RPH3AL: variants seen among roughly 807,000 people sequenced by gnomAD.
RPH3AL encodes the protein rab effector Noc2.
Under a neutral mutation model 43.1 loss-of-function variants are expected in RPH3AL, and 38 were observed. The observed-to-expected ratio is 0.88, with a 90% CI of 0.68 to 1.15. The LOEUF (loss-of-function observed/expected upper bound fraction) is 1.15, where lower values mean the gene tolerates loss of function less well. Ranked by LOEUF, RPH3AL falls within the 50% of genes most tolerant of loss-of-function variation. The pLI is 0.00. For missense variants in RPH3AL, 462 were observed against 423.2 expected (o/e 1.09, Z -0.81); for synonymous variants, 189 against 176.3 (o/e 1.07, Z -0.57).
intron 6 of RPH3AL, among the ~76,000 whole-genome samples, chr17:281,517 C>T (rs1169589639): frequency 2.6e-5 from 4 of 152,016 alleles, no homozygotes; most frequent in Non-Finnish European, 5.9e-5. Flanking sequence ...GACTCTCCCA[C>T]GTGTAGAACC....
chr17:241,445 A>G (rs2041531557), intron 7 of RPH3AL, among the ~76,000 whole-genome samples: 1 of 152,230 alleles, frequency 6.6e-6, no homozygotes, highest in Non-Finnish European at 1.5e-5. Flanking sequence ...ATGTCCATCG[A>G]TAGGTGATTA....
Position 245,440 on chromosome 17 carries a change from C to T in RPH3AL, c.613+1671G>A, listed in dbSNP as rs1206668704. Among the ~76,000 whole-genome samples, 8 of 135,470 alleles carry T rather than the reference C, an allele frequency of 5.9e-5. No individual in the cohort carries two copies. Among genetic ancestry groups the T allele is most frequent in the East Asian group, 2.2e-4 (1 of 4,482 alleles). 88.9% of individuals were successfully genotyped at this position (135,470 alleles called of 152,430 possible). On this transcript the variant is annotated intron_variant, in intron 7 of 9. Coordinates refer to ENST00000331302, the MANE Select transcript of RPH3AL (RefSeq NM_006987.4). This position sits in a 1 kb window ranked among gnomAD's most constrained non-coding sequence, Gnocchi z 5.9. Reference sequence around the variant, plus strand: ...ATGGTGATGTGTGTGTAGGTGTGAGCGTGTGTCAATGCGGTTGTGTTTGTG... The same window carrying T: ...ATGGTGATGTGTGTGTAGGTGTGAGTGTGTGTCAATGCGGTTGTGTTTGTG...
intron 7 of RPH3AL, among the ~76,000 whole-genome samples, chr17:221,847 AC>A (rs1567561556): frequency 2.6e-5 from 3 of 115,072 alleles, no homozygotes; most frequent in South Asian, 3.1e-4. Context: ...AGACCCAAGA[AC>A]AACAGCTCTG....
intron 5 of RPH3AL, among the ~76,000 whole-genome samples, chr17:303,036 A>G (rs1006142780): frequency 6.6e-6 from 1 of 152,248 alleles, no homozygotes; most frequent in African/African-American, 2.4e-5. Context: ...GTCAGACAAT[A>G]AACTTGGCAG....
chr17:305,263 T>C (rs2043455370), intron 5 of RPH3AL, among the ~76,000 whole-genome samples: 1 of 151,820 alleles, frequency 6.6e-6, no homozygotes, highest in African/African-American at 2.4e-5. Flanking sequence ...CCGGCCGAGT[T>C]GGGACTCAGG....
intron 1 of RPH3AL, among the ~76,000 whole-genome samples, chr17:352,024 C>T (rs768659832): frequency 3.9e-5 from 6 of 152,172 alleles, no homozygotes; most frequent in East Asian, 1.9e-4. Flanking sequence ...ACTGGCCACG[C>T]GGCCTTCCAA....
intron 6 of RPH3AL, among the ~76,000 whole-genome samples, chr17:270,605 T>C (rs2042439041): frequency 6.6e-6 from 1 of 152,066 alleles, no homozygotes; most frequent in Admixed American, 6.5e-5. Flanking sequence ...ATCCCAGCAC[T>C]TAGGGCAGCA....
rs1010728095 is a variant in RPH3AL, at chr17:274,320, G to A, written c.438+7448C>T. Among the ~76,000 whole-genome samples the A allele has an allele frequency of 6.6e-6, 1 of 152,140 alleles. No homozygotes were observed. Among genetic ancestry groups the A allele is most frequent in the Non-Finnish European group, 1.5e-5 (1 of 68,020 alleles). On this transcript the variant is annotated intron_variant, in intron 6 of 9. Coordinates refer to ENST00000331302, the MANE Select transcript of RPH3AL (RefSeq NM_006987.4). This position sits in a 1 kb window ranked among gnomAD's most constrained non-coding sequence, Gnocchi z 4.7. ...CGGGAGGCGTGCCATGGACCACCTG[G>A]GCCTCGCCTGCCCACCTGGGCCTCG... is the stretch of plus-strand genomic sequence containing the variant.
intron 1 of RPH3AL, among the ~76,000 whole-genome samples, chr17:344,051 A>G (rs1476163021): frequency 1.2e-5 from 1 of 82,704 alleles, no homozygotes; most frequent in Non-Finnish European, 3.2e-5. Context: ...CACCATCATC[A>G]TCGTCACCAC....
At chr17:314,600 A>C (rs2043818287) in intron 5 of RPH3AL, among the ~76,000 whole-genome samples, 1 of 147,334 alleles carries the variant, frequency 6.8e-6, no homozygotes, top group African/African-American at 2.5e-5. Context: ...CTCCACCTCC[A>C]CTGACCTGTA....
In RPH3AL at chr17:322,238, A is replaced by G. The variant is rs1335558388; in HGVS notation, c.78-823T>C. On this transcript the variant is annotated intron_variant, in intron 3 of 9. Coordinates refer to ENST00000331302, the MANE Select transcript of RPH3AL (RefSeq NM_006987.4). The surrounding 1 kb of genome is among the most constrained non-coding windows in gnomAD (Gnocchi z 4.0). ...GCAAATGGGGCGGGGGAAGGACTCA[A>G]ACTCCTTCTATTTTTCTGGACAGGG... 6.6e-6 allele frequency: 1 copy of G among 152,164 alleles called. No homozygotes were observed. The highest frequency in any genetic ancestry group is 1.5e-5 in the Non-Finnish European group (1 of 68,086). 9.4% of individuals were successfully genotyped at this position (152,164 alleles called of 1,614,324 possible).
chr17:268,964 T>G (rs12942148), intron 6 of RPH3AL, among the ~76,000 whole-genome samples: 2 of 152,000 alleles, frequency 1.3e-5, no homozygotes, highest in South Asian at 4.2e-4. Flanking sequence ...CCGCAAGCTC[T>G]GCCTCCCGGG....
Position 264,732 on chromosome 17 carries a change from A to G in RPH3AL, c.438+17036T>C, listed in dbSNP as rs2042281594. Among the ~76,000 whole-genome samples, 1 of 152,228 alleles carries G rather than the reference A, an allele frequency of 6.6e-6. No homozygotes were observed. The highest frequency in any genetic ancestry group is 6.5e-5 in the Admixed American group (1 of 15,288). On this transcript the variant is annotated intron_variant, in intron 6 of 9. Coordinates refer to ENST00000331302, the MANE Select transcript of RPH3AL (RefSeq NM_006987.4). The surrounding 1 kb of genome is among the most constrained non-coding windows in gnomAD (Gnocchi z 4.8). ...GACCCTTCCACCTGTGACCGGTATC[A>G]GCAAAAATGGAACACAGAATGCAGC...
intron 5 of RPH3AL, among the ~76,000 whole-genome samples, chr17:284,559 G>C (rs1396272427): frequency 2.6e-5 from 4 of 152,034 alleles, no homozygotes; most frequent in Non-Finnish European, 4.4e-5. Context: ...GCCCAGGCTG[G>C]ACAGTCTGGC....
rs201336705 is a variant in RPH3AL, at chr17:257,603, G to A, written c.439-10318C>T. 9.1e-3 allele frequency among the ~76,000 whole-genome samples: 157 copies of A among 17,184 alleles called. 3 individuals are homozygous for A. The highest frequency in any genetic ancestry group is 0.045 in the Middle Eastern group (1 of 22). 11.3% of individuals were successfully genotyped at this position (17,184 alleles called of 152,430 possible). A position where few individuals can be genotyped will look rare whatever the true frequency, so the allele number is the denominator to read the frequency against. On this transcript the variant is annotated intron_variant, in intron 6 of 9. Coordinates refer to ENST00000331302, the MANE Select transcript of RPH3AL (RefSeq NM_006987.4). ...CTTCCTATGAGGGGAGCTGCACGGC[G>A]TCTGTCCTTTTCCATCCCTAGGAAT...
intron 7 of RPH3AL, among the ~76,000 whole-genome samples, chr17:243,516 C>G (rs1555538183): frequency 1.4e-5 from 2 of 146,234 alleles, no homozygotes; most frequent in East Asian, 4.0e-4. Context: ...TTACCTTCCT[C>G]TATTGATTAC....
intron 7 of RPH3AL, among the ~76,000 whole-genome samples, chr17:228,990 G>A (rs1222882811): frequency 6.6e-6 from 1 of 152,144 alleles, no homozygotes. Context: ...TCTGTAAAAT[G>A]GAGACAAAAA....
At chr17:253,403 C>G (rs2041962034) in intron 6 of RPH3AL, among the ~76,000 whole-genome samples, 1 of 152,298 alleles carries the variant, frequency 6.6e-6, no homozygotes, top group Admixed American at 6.5e-5. Flanking sequence ...GGGCCGAGAA[C>G]CTCATCTGTG....
At chr17:257,693 AATGTG>A (rs2042087784) in intron 6 of RPH3AL, among the ~76,000 whole-genome samples, 3 of 46,846 alleles carry the variant, frequency 6.4e-5, no homozygotes, top group African/African-American at 3.4e-4. Flanking sequence ...CGTCCCTAGG[AATGTG>A]ACTACCCTAC....
Sources: allele counts gnomAD v4.1 joint callset (sites outside exome capture counted in the v4.1 genomes callset), GRCh38; gene constraint gnomAD v4.1.1; non-coding constraint Gnocchi (gnomAD v3.1); transcripts MANE v1.5; gene names NCBI Gene and HGNC (gene_info 2026-07-23, HGNC 2026-07-21).